DLGAP1: variants seen among roughly 807,000 people sequenced by gnomAD.
DLGAP1 encodes the protein disks large-associated protein 1.
Under a neutral mutation model 90.8 loss-of-function variants are expected in DLGAP1, and 11 were observed. That is an observed-to-expected ratio of 0.12 (90% CI 0.08 to 0.20). The LOEUF (loss-of-function observed/expected upper bound fraction) is 0.20. Among genes scored for constraint, DLGAP1 ranks in the 10% least tolerant of loss-of-function variants. The pLI is 1.00. For missense variants in DLGAP1, 1,050 were observed against 1,333.8 expected (o/e 0.79, Z 3.31); for synonymous variants, 558 against 540.7 (o/e 1.03, Z -0.44).
intron 9 of DLGAP1, among the ~76,000 whole-genome samples, chr18:3,547,415 A>C (rs567830893): frequency 6.6e-6 from 1 of 151,726 alleles, no homozygotes; most frequent in African/African-American, 2.4e-5. Context: ...CAACAAAAAG[A>C]CAAACAACCC....
At chr18:4,133,753 T>G (rs2076354833) in intron 2 of DLGAP1, among the ~76,000 whole-genome samples, 1 of 152,184 alleles carries the variant, frequency 6.6e-6, no homozygotes, top group Non-Finnish European at 1.5e-5. Flanking sequence ...ATTAAAAACA[T>G]GTCAGAAACA....
At chr18:4,079,562 TA>T (rs1234055339) in intron 2 of DLGAP1, among the ~76,000 whole-genome samples, 1 of 151,718 alleles carries the variant, frequency 6.6e-6, no homozygotes, top group Non-Finnish European at 1.5e-5. Flanking sequence ...AGGTAAGAGA[TA>T]AAAAACTACC....
intron 8 of DLGAP1, among the ~76,000 whole-genome samples, chr18:3,570,512 C>T (rs1048349582): frequency 5.9e-5 from 9 of 151,916 alleles, no homozygotes; most frequent in Non-Finnish European, 1.3e-4. Flanking sequence ...CTCCCAACCT[C>T]AGCTGATCTG....
At chr18:3,586,980 A>C (rs1355691679) in intron 7 of DLGAP1, among the ~76,000 whole-genome samples, 1 of 152,232 alleles carries the variant, frequency 6.6e-6, no homozygotes, top group Non-Finnish European at 1.5e-5. Context: ...GTCAAAACAG[A>C]AAGAGAAAAT....
intron 7 of DLGAP1, among the ~76,000 whole-genome samples, chr18:3,583,168 A>ACCTTCCTTCCTTCCTT (rs1223358564): frequency 9.4e-5 from 12 of 126,988 alleles, no homozygotes; most frequent in African/African-American, 3.1e-4. Flanking sequence ...CTACCTACCT[A>ACCTTCCTTCCTTCCTT]CCTACCTACC....
intron 1 of DLGAP1, among the ~76,000 whole-genome samples, chr18:4,349,228 T>A (rs1198028978): frequency 6.6e-6 from 1 of 152,066 alleles, no homozygotes; most frequent in East Asian, 1.9e-4. Flanking sequence ...CGTGCAAAAA[T>A]TTTTAAAACC....
chr18:3,835,390 C>T (rs2068308462), intron 4 of DLGAP1, among the ~76,000 whole-genome samples: 1 of 152,070 alleles, frequency 6.6e-6, no homozygotes, highest in African/African-American at 2.4e-5. Context: ...GTGGCTCACG[C>T]CTGTAATCCC....
intron 3 of DLGAP1, among the ~76,000 whole-genome samples, chr18:3,925,411 T>A (rs987187949): frequency 1.3e-5 from 2 of 152,048 alleles, no homozygotes; most frequent in Non-Finnish European, 2.9e-5. Context: ...AGTTCCTACT[T>A]ACCTCCACTT....
intron 1 of DLGAP1, among the ~76,000 whole-genome samples, chr18:4,389,887 T>A (rs950820735): frequency 6.6e-6 from 1 of 152,238 alleles, no homozygotes; most frequent in African/African-American, 2.4e-5. Context: ...TAAATATTAC[T>A]GGTGAATAGT....
intron 2 of DLGAP1, among the ~76,000 whole-genome samples, chr18:4,145,380 GAACACATTAACT>G (rs768750232): frequency 1.3e-5 from 2 of 152,096 alleles, no homozygotes; most frequent in Non-Finnish European, 2.9e-5. Flanking sequence ...ATTTATCTCA[GAACACATTAACT>G]TGAGAGGATT....
intron 4 of DLGAP1, among the ~76,000 whole-genome samples, chr18:3,876,643 A>G (rs2071012114): frequency 6.6e-6 from 1 of 152,232 alleles, no homozygotes; most frequent in Non-Finnish European, 1.5e-5. Context: ...AGGGATTAAT[A>G]TGAGTGTGTC....
intron 3 of DLGAP1, among the ~76,000 whole-genome samples, chr18:3,972,505 A>ACTCTCT (rs35860801): frequency 0.011 from 1,619 of 150,774 alleles, 20 homozygotes; most frequent in African/African-American, 0.036. Context: ...ACACACACAC[A>ACTCTCT]CACTCTCTCT....
At chr18:4,206,004 T>G (rs1186323692) in intron 1 of DLGAP1, among the ~76,000 whole-genome samples, 2 of 152,174 alleles carry the variant, frequency 1.3e-5, no homozygotes, top group Non-Finnish European at 2.9e-5. Flanking sequence ...GAGTTGCCTA[T>G]TTCAGAAGAT....
chr18:4,099,864 C>A (rs1327245972), intron 2 of DLGAP1, among the ~76,000 whole-genome samples: 1 of 151,878 alleles, frequency 6.6e-6, no homozygotes, highest in Non-Finnish European at 1.5e-5. Context: ...CTGCCACATG[C>A]AAGTAAATTT....
Position 3,982,471 on chromosome 18 carries a change from T to C in DLGAP1, c.-73+22645A>G, listed in dbSNP as rs1234887754. 2.0e-5 allele frequency among the ~76,000 whole-genome samples: 3 copies of C among 152,310 alleles called. No individual in the cohort carries two copies. In the East Asian group the frequency reaches 5.8e-4, roughly 29 times the overall value. ...ATTTTCTATATTATTTTCTATAATA[T>C]AGAAAATGCATTTGCTTTTGGAGCA... On this transcript the variant is annotated intron_variant, in intron 3 of 12. Transcript: ENST00000315677.
intron 5 of DLGAP1, among the ~76,000 whole-genome samples, chr18:3,783,980 T>G (rs755172018): frequency 6.6e-6 from 1 of 152,204 alleles, no homozygotes; most frequent in African/African-American, 2.4e-5. Context: ...GCTTTTTGTC[T>G]GCTTTTTGCT....
rs187002934 is a variant in DLGAP1, at chr18:4,297,387, A to G, written c.-266-146100T>C. ...AAAAATTTATTGAAATATAATATCC[A>G]CATGGAAAAATCAACAAAACTTTAT... On this transcript the variant is annotated intron_variant, in intron 1 of 12. Transcript: ENST00000315677. 1.0e-3 allele frequency among the ~76,000 whole-genome samples: 152 copies of G among 152,338 alleles called. 1 individual carries two copies. The highest frequency in any genetic ancestry group is 3.5e-3 in the African/African-American group (144 of 41,584).
intron 8 of DLGAP1, chr18:3,580,152 A>T: frequency 8.0e-7 from 1 of 1,246,954 alleles, no homozygotes; most frequent in Non-Finnish European, 1.2e-6. Context: ...AATAATGTCT[A>T]CAAAGAAAAT....
chr18:4,348,400 ATGTGTGTGTGTGTGTGTGTG>A (rs71160958), intron 1 of DLGAP1, among the ~76,000 whole-genome samples: 2 of 133,486 alleles, frequency 1.5e-5, no homozygotes, highest in African/African-American at 6.1e-5. Flanking sequence ...GAACTCAGGA[ATGTGTGTGTGTGTGTGTGTG>A]TGTGTGTGTG....
Sources: gnomAD v4.1 joint callset for allele counts (sites outside exome capture counted in the v4.1 genomes callset) on GRCh38, gnomAD v4.1.1 for gene constraint, MANE v1.5 for transcripts, NCBI Gene and HGNC (gene_info 2026-07-23, HGNC 2026-07-21) for gene names.